The following CSMD1 variants were observed in gnomAD, a reference collection of about 807,000 sequenced individuals.
The protein encoded by CSMD1 is CUB and sushi domain-containing protein 1.
A neutral mutation model predicts 417.5 loss-of-function variants in CSMD1; 213 were observed. That is an observed-to-expected ratio of 0.51 (90% CI 0.46 to 0.57). The LOEUF (loss-of-function observed/expected upper bound fraction) is 0.57. CSMD1 is among the 20% of genes least tolerant of loss of function. The pLI is 0.00. For missense variants in CSMD1, 6,923 were observed against 4,529.7 expected (o/e 1.53, Z -15.17); for synonymous variants, 2,862 against 1,736.8 (o/e 1.65, Z -16.11).
chr8:3,391,077 G>A (rs954235474), intron 17 of CSMD1, among the ~76,000 whole-genome samples: 1 of 152,116 alleles, frequency 6.6e-6, no homozygotes, highest in East Asian at 1.9e-4. Context: ...GCATGCATGG[G>A]CATGTTATAT....
At chr8:3,399,307 T>C (rs1429521015) in intron 16 of CSMD1, 84 bp downstream of exon 16, 1 of 1,330,596 alleles carries the variant, frequency 7.5e-7, no homozygotes, top group Admixed American at 2.4e-5. Context: ...AACTGCCATC[T>C]TTTTAAAGTT....
chr8:3,098,580 C>T (rs1815501326), intron 46 of CSMD1, among the ~76,000 whole-genome samples: 1 of 152,036 alleles, frequency 6.6e-6, no homozygotes, highest in African/African-American at 2.4e-5. Context: ...CTAAAATAAT[C>T]CTAATCAGAA....
chr8:4,977,462 G>A (rs886484765), intron 1 of CSMD1, among the ~76,000 whole-genome samples: 2 of 152,166 alleles, frequency 1.3e-5, no homozygotes, highest in African/African-American at 4.8e-5. Flanking sequence ...CATGCACATT[G>A]GGAAAGAAGG....
intron 11 of CSMD1, among the ~76,000 whole-genome samples, chr8:3,492,689 A>T (rs927893734): frequency 6.6e-6 from 1 of 152,198 alleles, no homozygotes; most frequent in African/African-American, 2.4e-5. Flanking sequence ...TGCCCAGGTC[A>T]TAAGGCTGCA....
At chr8:4,137,069 G>A (rs560466190) in intron 3 of CSMD1, among the ~76,000 whole-genome samples, 13 of 152,264 alleles carry the variant, frequency 8.5e-5, no homozygotes, top group Admixed American at 6.5e-4. Context: ...AACTTCCTTT[G>A]CTACTTCCCT....
chr8:3,665,185 G>C (rs1170016417), intron 7 of CSMD1, among the ~76,000 whole-genome samples: 21 of 152,216 alleles, frequency 1.4e-4, no homozygotes, highest in Admixed American at 1.3e-3. Context: ...AACAATATTA[G>C]GTATTTGCAT....
At position 4,342,779 on chromosome 8, in the gene CSMD1, C is replaced by T. The variant is rs144427919; in HGVS notation, c.415+77174G>A. Among the ~76,000 whole-genome samples, 4 of 152,064 alleles carry T rather than the reference C, an allele frequency of 2.6e-5. No individual in the cohort carries two copies. The East Asian group carries it at 7.7e-4, about 29-fold the overall frequency. On this transcript the variant is annotated intron_variant, in intron 3 of 69. Coordinates refer to ENST00000635120, the MANE Select transcript of CSMD1 (RefSeq NM_033225.6). ...GTGTTAAAAAGAAAAATAATACAAG[C>T]TCAAGGGACTTGGAAAGGTGGTTCG...
chr8:4,387,370 C>G (rs1197668869), intron 3 of CSMD1, among the ~76,000 whole-genome samples: 2 of 151,814 alleles, frequency 1.3e-5, no homozygotes, highest in Non-Finnish European at 2.9e-5. Flanking sequence ...CAAATTTCTT[C>G]TTATGTGTTA....
chr8:3,153,241 G>A (rs529771210), intron 39 of CSMD1, among the ~76,000 whole-genome samples: 1 of 152,250 alleles, frequency 6.6e-6, no homozygotes, highest in South Asian at 2.1e-4. Flanking sequence ...GCAACGTCAG[G>A]AACTTACCCT....
At chr8:3,043,306 T>C (rs1361401010) in intron 50 of CSMD1, among the ~76,000 whole-genome samples, 1 of 151,694 alleles carries the variant, frequency 6.6e-6, no homozygotes, top group African/African-American at 2.4e-5. Flanking sequence ...ACTAGGTCAC[T>C]ATGGTGATAT....
chr8:3,864,676 G>C (rs565499403), intron 5 of CSMD1, among the ~76,000 whole-genome samples: 1 of 151,874 alleles, frequency 6.6e-6, no homozygotes, highest in Non-Finnish European at 1.5e-5. Flanking sequence ...AGACACTTTC[G>C]ACTGATGAAG....
At chr8:3,351,794 T>C (rs113771565) in intron 21 of CSMD1, among the ~76,000 whole-genome samples, 1,759 of 149,732 alleles carry the variant, frequency 0.012, 32 homozygotes, top group African/African-American at 0.04. Flanking sequence ...ACATGTATAA[T>C]ATACATACAA....
chr8:3,835,841 G>T (rs535689438), intron 5 of CSMD1, among the ~76,000 whole-genome samples: 79 of 151,968 alleles, frequency 5.2e-4, no homozygotes, highest in Middle Eastern at 6.8e-3. Flanking sequence ...CTGTTCCTTA[G>T]TTCTTCTGTA....
At chr8:4,684,314 T>A (rs180945530) in intron 1 of CSMD1, among the ~76,000 whole-genome samples, 3 of 152,200 alleles carry the variant, frequency 2.0e-5, no homozygotes, top group African/African-American at 7.2e-5. Context: ...TAAAAATCGG[T>A]TTTCTGTTTG....
At chr8:3,912,629 G>C (rs886508138) in intron 5 of CSMD1, among the ~76,000 whole-genome samples, 23 of 152,158 alleles carry the variant, frequency 1.5e-4, no homozygotes, top group Admixed American at 7.9e-4. Context: ...ATTGCACCCA[G>C]TGTTTACAAG....
intron 1 of CSMD1, among the ~76,000 whole-genome samples, chr8:4,885,460 C>T (rs879401932): frequency 2.0e-5 from 3 of 151,982 alleles, no homozygotes; most frequent in Non-Finnish European, 4.4e-5. Context: ...TATAATCTTA[C>T]ATGTGCAATT....
chr8:4,379,012 A>T (rs1474173019), intron 3 of CSMD1, among the ~76,000 whole-genome samples: 1 of 152,214 alleles, frequency 6.6e-6, no homozygotes, highest in East Asian at 1.9e-4. Flanking sequence ...AAAGTAGCAA[A>T]GTATCTTCTT....
At chr8:3,987,043 CCG>C (rs1376643096) in intron 5 of CSMD1, among the ~76,000 whole-genome samples, 2 of 152,192 alleles carry the variant, frequency 1.3e-5, no homozygotes, top group Non-Finnish European at 2.9e-5. Flanking sequence ...ACGTGAATCA[CCG>C]CATCCATCCA....
In CSMD1 at chr8:3,850,498, C is replaced by G. The variant is rs774163442; in HGVS notation, c.819-96456G>C. The stretch of plus-strand genomic sequence containing the variant: ...TAACTTGAGGTCAAGAGTTCAAGAC[C>G]GGCTTGGCCAACATGGCAAAACCCC... On this transcript the variant is annotated intron_variant, in intron 5 of 69. Transcript: ENST00000635120. Among the ~76,000 whole-genome samples, 9 of 152,146 alleles carry G rather than the reference C, an allele frequency of 5.9e-5. No individual in the cohort carries two copies. In the South Asian group the frequency reaches 1.7e-3, roughly 28 times the overall value.
Sources: allele counts gnomAD v4.1 joint callset (sites outside exome capture counted in the v4.1 genomes callset), GRCh38; gene constraint gnomAD v4.1.1; transcripts MANE v1.5; gene names NCBI Gene and HGNC (gene_info 2026-07-23, HGNC 2026-07-21).